The following HCN1 variants were observed in gnomAD, a reference collection of about 807,000 sequenced individuals.
HCN1 encodes hyperpolarization activated cyclic nucleotide gated potassium channel 1.
In HCN1, 13 loss-of-function variants were observed where a neutral mutation model predicts 78.9. The observed-to-expected ratio is 0.16, with a 90% confidence interval of 0.11 to 0.26. The LOEUF (loss-of-function observed/expected upper bound fraction) is 0.26. Among genes scored for constraint, HCN1 ranks in the 10% least tolerant of loss-of-function variants. The pLI is 1.00. For missense variants in HCN1, 810 were observed against 1,154.3 expected (o/e 0.70, Z 4.32); for synonymous variants, 552 against 455.5 (o/e 1.21, Z -2.70).
intron 1 of HCN1, among the ~76,000 whole-genome samples, chr5:45,687,123 A>G (rs1005370124): frequency 1.3e-5 from 2 of 152,110 alleles, no homozygotes; most frequent in Non-Finnish European, 2.9e-5. Flanking sequence ...ATTTACCTTA[A>G]AGTATTATTC....
chr5:45,660,553 A>G (rs1328991764), intron 1 of HCN1, among the ~76,000 whole-genome samples: 2 of 152,002 alleles, frequency 1.3e-5, no homozygotes, highest in Non-Finnish European at 2.9e-5. Flanking sequence ...TGTATTCAGG[A>G]AACCCATCTC....
intron 2 of HCN1, among the ~76,000 whole-genome samples, chr5:45,470,029 A>G (rs1741358789): frequency 6.6e-6 from 1 of 152,048 alleles, no homozygotes. Flanking sequence ...GGTGAACTCT[A>G]TAGGGGAGAT....
At chr5:45,593,321 CCCT>C (rs1744418776) in intron 2 of HCN1, among the ~76,000 whole-genome samples, 25 of 46,852 alleles carry the variant, frequency 5.3e-4, no homozygotes, top group Admixed American at 4.6e-3. Context: ...CTCTCTCTCT[CCCT>C]CTCTCTCTCT....
At chr5:45,463,534 A>G (rs1234079256) in intron 2 of HCN1, among the ~76,000 whole-genome samples, 1 of 151,986 alleles carries the variant, frequency 6.6e-6, no homozygotes, top group Non-Finnish European at 1.5e-5. Flanking sequence ...TAGCATTAAG[A>G]ATTTTACTTT....
At chr5:45,637,393 C>T (rs1317004855) in intron 2 of HCN1, among the ~76,000 whole-genome samples, 2 of 151,818 alleles carry the variant, frequency 1.3e-5, no homozygotes, top group African/African-American at 4.8e-5. Flanking sequence ...GAGGGAATAA[C>T]TGAAATCATC....
chr5:45,556,889 T>G (rs563311269), intron 2 of HCN1, among the ~76,000 whole-genome samples: 3 of 152,106 alleles, frequency 2.0e-5, no homozygotes, highest in African/African-American at 7.2e-5. Context: ...AAGATGGAGT[T>G]CATCTTTTGG....
At chr5:45,629,068 A>C (rs902050861) in intron 2 of HCN1, among the ~76,000 whole-genome samples, 2 of 152,046 alleles carry the variant, frequency 1.3e-5, no homozygotes, top group African/African-American at 4.8e-5. Flanking sequence ...ATTAATATCC[A>C]ACAAAGTAGA....
chr5:45,601,290 C>T (rs1261067164), intron 2 of HCN1, among the ~76,000 whole-genome samples: 1 of 152,054 alleles, frequency 6.6e-6, no homozygotes, highest in Non-Finnish European at 1.5e-5. Context: ...GTAATTTCAA[C>T]ATCCTTTTCC....
chr5:45,279,825 C>G (rs954672488), intron 6 of HCN1, among the ~76,000 whole-genome samples: 1 of 151,956 alleles, frequency 6.6e-6, no homozygotes, highest in Non-Finnish European at 1.5e-5. Flanking sequence ...CACCATAACA[C>G]CCCCAAAATT....
rs897942404 is a variant in HCN1, at chr5:45,583,002, T to C, written c.849+62183A>G. Among the ~76,000 whole-genome samples the C allele has an allele frequency of 1.2e-4, 19 of 152,050 alleles. 1 individual carries two copies. Among genetic ancestry groups the C allele is most frequent in the Non-Finnish European group, 1.8e-4 (12 of 67,994 alleles). ...TTCTCTTTTTTTTTTTTGTTGTGTCTCTGCCAGGGTTTGGTATCAGGATGA... is the reference window on the plus strand; with the variant it reads ...TTCTCTTTTTTTTTTTTGTTGTGTCCCTGCCAGGGTTTGGTATCAGGATGA... On this transcript the variant is annotated intron_variant, in intron 2 of 7. Transcript: ENST00000303230.
At chr5:45,561,317 A>G (rs971605484) in intron 2 of HCN1, among the ~76,000 whole-genome samples, 2 of 152,038 alleles carry the variant, frequency 1.3e-5, no homozygotes, top group African/African-American at 2.4e-5. Context: ...ATTTTTTGGC[A>G]TATTATTTAT....
chr5:45,383,513 G>T (rs1747847868), intron 4 of HCN1, among the ~76,000 whole-genome samples: 1 of 152,098 alleles, frequency 6.6e-6, no homozygotes, highest in African/African-American at 2.4e-5. Context: ...CTGGCAACAT[G>T]TTGAAATCCC....
intron 2 of HCN1, among the ~76,000 whole-genome samples, chr5:45,515,342 G>A (rs1030321824): frequency 6.6e-6 from 1 of 151,788 alleles, no homozygotes; most frequent in Non-Finnish European, 1.5e-5. Context: ...AAAACTTAGC[G>A]TTTTTACCCA....
At chr5:45,626,258 T>C (rs1745161296) in intron 2 of HCN1, among the ~76,000 whole-genome samples, 1 of 152,166 alleles carries the variant, frequency 6.6e-6, no homozygotes, top group African/African-American at 2.4e-5. Flanking sequence ...TAATAATGCT[T>C]CTTTGTTGAA....
intron 3 of HCN1, among the ~76,000 whole-genome samples, chr5:45,429,423 A>C (rs1740418904): frequency 6.6e-6 from 1 of 152,158 alleles, no homozygotes; most frequent in Non-Finnish European, 1.5e-5. Flanking sequence ...CTGACAAGTT[A>C]GTGCTGGCTG....
chr5:45,445,013 G>A (rs1472087290), intron 3 of HCN1, among the ~76,000 whole-genome samples: 1 of 152,174 alleles, frequency 6.6e-6, no homozygotes, highest in East Asian at 1.9e-4. Flanking sequence ...CATCTCACTA[G>A]GGAGTGCCAG....
At chr5:45,569,488 G>T (rs1743781435) in intron 2 of HCN1, among the ~76,000 whole-genome samples, 1 of 152,008 alleles carries the variant, frequency 6.6e-6, no homozygotes, top group Non-Finnish European at 1.5e-5. Flanking sequence ...CAAGACTTCT[G>T]TGAGTTTACT....
At chr5:45,476,890 T>C (rs561842681) in intron 2 of HCN1, among the ~76,000 whole-genome samples, 1 of 152,266 alleles carries the variant, frequency 6.6e-6, no homozygotes, top group South Asian at 2.1e-4. Context: ...ACCTTCAGGC[T>C]ATGTGGATAA....
At chr5:45,375,313 T>TTATAC (rs1747598334) in intron 4 of HCN1, among the ~76,000 whole-genome samples, 5 of 112,536 alleles carry the variant, frequency 4.4e-5, no homozygotes, top group African/African-American at 7.0e-5. Flanking sequence ...ATACAATATA[T>TTATAC]ATAATATAAT....
Sources: gnomAD v4.1 joint callset for allele counts (sites outside exome capture counted in the v4.1 genomes callset) on GRCh38, gnomAD v4.1.1 for gene constraint, MANE v1.5 for transcripts, NCBI Gene and HGNC (gene_info 2026-07-23, HGNC 2026-07-21) for gene names.